ZMYM2: variants seen among roughly 807,000 people sequenced by gnomAD.
ZMYM2 encodes zinc finger MYM-type containing 2, also known as zinc finger MYM-type protein 2.
A neutral mutation model predicts 162.8 loss-of-function variants in ZMYM2; 56 were observed. The ratio of observed to expected loss-of-function variants is 0.34; its 90% CI spans 0.28 to 0.43. The LOEUF is 0.43. Among genes scored for constraint, ZMYM2 ranks in the 20% least tolerant of loss-of-function variants. The probability of loss-of-function intolerance (pLI) is 1.00; values close to 1 mark genes in which losing one functional copy is unlikely to be tolerated. For synonymous variants in ZMYM2, 510 were observed against 541.6 expected, an observed-to-expected ratio of 0.94 and a Z score of 0.81; for missense variants, 1,275 against 1,621.8, an observed-to-expected ratio of 0.79 and a Z score of 3.67.
intron 3 of ZMYM2, among the ~76,000 whole-genome samples, chr13:19,994,564 A>G (rs941674172): frequency 3.3e-5 from 5 of 151,994 alleles, no homozygotes; most frequent in African/African-American, 1.2e-4. Flanking sequence ...ATCTTGGCTC[A>G]CTGCAATCTC....
At chr13:20,013,086 A>G (rs1214764817) in intron 6 of ZMYM2, among the ~76,000 whole-genome samples, 8 of 152,196 alleles carry the variant, frequency 5.3e-5, no homozygotes, top group Non-Finnish European at 1.5e-5. Context: ...TCTGTCTGTG[A>G]AAATGGCATT....
chr13:20,027,296 C>T lies in ZMYM2; in HGVS notation c.1829C>T (p.Ser610Phe), dbSNP rs984656592. Residue 610 changes from serine (S) to phenylalanine (F), a missense_variant, in exon 9 of 25, where the codon TCC becomes TTC. Around this residue, in one of 10 missense-constraint regions of ZMYM2, gnomAD observed 276 missense variants for 311.8 expected, o/e 0.89. Coordinates refer to ENST00000610343, the MANE Select transcript of ZMYM2 (RefSeq NM_197968.4). ...PDGKLYNFCN[S>F]SCVAKFQALS... ...GGAAAACTGTACAACTTTTGCAATTCCAGTTGTGTGGCTAAATTTCAGGTT... is the reference window on the plus strand; with the variant it reads ...GGAAAACTGTACAACTTTTGCAATTTCAGTTGTGTGGCTAAATTTCAGGTT... 6.4e-7 allele frequency: 1 copy of T among 1,572,940 alleles called. No individual in the cohort carries two copies. Among genetic ancestry groups the T allele is most frequent in the African/African-American group, 1.3e-5 (1 of 74,102 alleles).
chr13:20,073,901 C>T (rs933606709), intron 21 of ZMYM2, among the ~76,000 whole-genome samples: 18 of 151,926 alleles, frequency 1.2e-4, no homozygotes, highest in African/African-American at 3.1e-4. Context: ...TTTAAGGGTG[C>T]GGTGCAGTGG....
chr13:20,076,520 C>A (rs1957514876), intron 21 of ZMYM2, among the ~76,000 whole-genome samples: 1 of 150,066 alleles, frequency 6.7e-6, no homozygotes, highest in Admixed American at 6.6e-5. Context: ...GTGAATTGCC[C>A]CATCGTTTAT....
rs995883700 is a variant in ZMYM2, at chr13:19,980,371, G to A, written c.-10-12692G>A. Reference sequence around the variant, plus strand: ...CAGACTTTTTTTGTCTGTTTGGTCCGTCTTTTCTTATTCCCTACCTCACTG... The same window carrying A: ...CAGACTTTTTTTGTCTGTTTGGTCCATCTTTTCTTATTCCCTACCTCACTG... On this transcript the variant is annotated intron_variant, in intron 2 of 24. Transcript: ENST00000610343. Among the ~76,000 whole-genome samples the A allele has an allele frequency of 3.9e-5, 6 of 151,990 alleles. No individual in the cohort carries two copies. In the East Asian group the frequency reaches 5.8e-4, roughly 15 times the overall value.
At chr13:20,035,557 A>C (rs973826024) in intron 11 of ZMYM2, among the ~76,000 whole-genome samples, 1 of 152,216 alleles carries the variant, frequency 6.6e-6, no homozygotes, top group Non-Finnish European at 1.5e-5. Context: ...GAACATGCTG[A>C]TGTTGATTGC....
intron 6 of ZMYM2, among the ~76,000 whole-genome samples, chr13:20,011,578 ATT>A (rs60172206): frequency 2.3e-5 from 3 of 128,844 alleles, no homozygotes; most frequent in Non-Finnish European, 1.7e-5. Context: ...TTTTTGTTTT[ATT>A]TTTTTTTTTT....
chr13:20,085,809 C>T lies in ZMYM2; in HGVS notation c.3942-13C>T. ...GAAATTGACTTTTTCTCTTTTTCCT[C>T]CCGCCTCCAAAGTCCACAGAATCTT... On this transcript the variant is annotated splice_polypyrimidine_tract_variant and intron_variant, in intron 24 of 24. Coordinates refer to ENST00000610343, the MANE Select transcript of ZMYM2 (RefSeq NM_197968.4). 6.4e-7 allele frequency: 1 copy of T among 1,567,934 alleles called. No individual in the cohort carries two copies. The highest frequency in any genetic ancestry group is 1.2e-5 in the South Asian group (1 of 84,142).
the ZMYM2 span, among the ~76,000 whole-genome samples, chr13:19,894,326 A>G: frequency 1.3e-5 from 2 of 151,558 alleles, no homozygotes; most frequent in African/African-American, 4.9e-5. Context: ...GGCCTATTTT[A>G]TAATAAAATA....
chr13:20,084,991 C>T (rs1038935091), intron 24 of ZMYM2, among the ~76,000 whole-genome samples: 6 of 152,156 alleles, frequency 3.9e-5, no homozygotes, highest in Non-Finnish European at 8.8e-5. Context: ...TTTGCATATA[C>T]ATTATAAGAT....
chr13:19,892,047 C>A, the ZMYM2 span, among the ~76,000 whole-genome samples: 3 of 150,980 alleles, frequency 2.0e-5, no homozygotes, highest in East Asian at 2.0e-4. Flanking sequence ...GCTCAAGCAT[C>A]CTCCCACCTT....
the ZMYM2 span, among the ~76,000 whole-genome samples, chr13:19,899,797 A>ACAGAC: frequency 3.1e-5 from 4 of 130,976 alleles, no homozygotes; most frequent in South Asian, 8.3e-4. Context: ...AGCCTGGGCG[A>ACAGAC]CAGACCAGGA....
At chr13:20,030,633 C>G (rs988346686) in intron 9 of ZMYM2, among the ~76,000 whole-genome samples, 1 of 152,002 alleles carries the variant, frequency 6.6e-6, no homozygotes, top group Non-Finnish European at 1.5e-5. Flanking sequence ...CTCCTGACTT[C>G]GTGATCCGCC....
chr13:19,927,478 C>T, the ZMYM2 span, among the ~76,000 whole-genome samples: 3 of 152,168 alleles, frequency 2.0e-5, no homozygotes, highest in Non-Finnish European at 4.4e-5. Flanking sequence ...TATAATGCTT[C>T]CGTGATCCCT....
intron 12 of ZMYM2, among the ~76,000 whole-genome samples, chr13:20,042,573 C>G (rs537225383): frequency 3.9e-5 from 6 of 151,988 alleles, no homozygotes; most frequent in Non-Finnish European, 7.4e-5. Context: ...GATTCAGAAC[C>G]CTTACTGGAG....
intron 2 of ZMYM2, among the ~76,000 whole-genome samples, chr13:19,969,233 T>A (rs1375199353): frequency 1.3e-5 from 2 of 152,264 alleles, no homozygotes; most frequent in African/African-American, 4.8e-5. Flanking sequence ...TTCCGTTCCC[T>A]ATCCTTATGT....
chr13:19,964,555 A>G (rs1203011078), intron 2 of ZMYM2, among the ~76,000 whole-genome samples: 2 of 152,168 alleles, frequency 1.3e-5, no homozygotes, highest in Non-Finnish European at 2.9e-5. Flanking sequence ...GTGAGCCACC[A>G]TGCCCAGCCA....
At chr13:19,935,562 TTTTG>T in the ZMYM2 span, among the ~76,000 whole-genome samples, 14 of 152,160 alleles carry the variant, frequency 9.2e-5, no homozygotes, top group East Asian at 3.8e-4. Flanking sequence ...CACTTGTCTT[TTTTG>T]TTTGTTTGTT....
chr13:19,957,870 C>T (rs1297037434), upstream of ZMYM2, among the ~76,000 whole-genome samples: 3 of 152,218 alleles, frequency 2.0e-5, no homozygotes, highest in Non-Finnish European at 4.4e-5. Context: ...GTCTGGGTCT[C>T]TCCACCGTCG....
Sources: gnomAD v4.1 joint callset for allele counts (sites outside exome capture counted in the v4.1 genomes callset) on GRCh38, gnomAD v4.1.1 for gene constraint, gnomAD v4.1.1 regional missense constraint, MANE v1.5 for transcripts, NCBI Gene and HGNC (gene_info 2026-07-23, HGNC 2026-07-21) for gene names.